Variants in CARD9 observed in about 807,000 individuals in gnomAD.
CARD9 encodes caspase recruitment domain family member 9, also known as caspase recruitment domain-containing protein 9.
Under a neutral mutation model 66.0 loss-of-function variants are expected in CARD9, and 53 were observed. The ratio of observed to expected loss-of-function variants is 0.80; its 90% CI spans 0.64 to 1.01. The LOEUF (loss-of-function observed/expected upper bound fraction) is 1.01. Ranked by LOEUF, CARD9 falls within the 50% of genes least tolerant of loss-of-function variation. The pLI, the probability that CARD9 is intolerant of heterozygous loss-of-function variation, is 0.00. For missense variants in CARD9, 769 were observed against 743.2 expected, an observed-to-expected ratio of 1.03 and a Z score of -0.40; for synonymous variants, 387 against 313.8, an observed-to-expected ratio of 1.23 and a Z score of -2.47.
At chr9:136,366,720 G>A in intron 10 of CARD9, 80 bp downstream of exon 10, 1 of 1,471,338 alleles carries the variant, frequency 6.8e-7, no homozygotes, top group Non-Finnish European at 9.5e-7. Context: ...AGGCATTGCG[G>A]CACGGGCTGC....
intron 10 of CARD9, chr9:136,366,499 A>G (rs767844778): frequency 2.5e-4 from 121 of 492,800 alleles, no homozygotes; most frequent in Non-Finnish European, 4.2e-4. Context: ...GGGGCCCCAC[A>G]CTCTCAGGAC....
Position 136,370,824 on chromosome 9 carries a change from G to A in CARD9, c.627+17C>T, listed in dbSNP as rs190628465. ...CCAGGCGAGGGTGGCCTGGTTTCCC[G>A]GGGGCAGCGGGCGCACCTCCAGCTG... On this transcript the variant is annotated intron_variant, in intron 4 of 12. Coordinates refer to ENST00000371732, the MANE Select transcript of CARD9 (RefSeq NM_052813.5). 8.7e-5 allele frequency: 139 copies of A among 1,592,356 alleles called. No individual in the cohort carries two copies. The highest frequency in any genetic ancestry group is 3.2e-4 in the African/African-American group (24 of 74,456).
Position 136,370,444 on chromosome 9 carries a change from G to C in CARD9, c.808-7C>G. 6.2e-7 allele frequency: 1 copy of C among 1,610,082 alleles called. No individual in the cohort carries two copies. The highest frequency in any genetic ancestry group is 8.5e-7 in the Non-Finnish European group (1 of 1,179,046). ...TCCTGTCCAGCTTCCCCTCCTGAAG[G>C]GGGCAAAAGGCAATGGCCTGGCTGG... On this transcript the variant is annotated splice_polypyrimidine_tract_variant and splice_region_variant and intron_variant, in intron 5 of 12. Coordinates refer to ENST00000371732, the MANE Select transcript of CARD9 (RefSeq NM_052813.5).
In CARD9 at chr9:136,364,463, C is replaced by A; in HGVS notation, c.1511+20G>T. On this transcript the variant is annotated intron_variant, in intron 12 of 12. Transcript: ENST00000371732. The stretch of plus-strand genomic sequence containing the variant: ...CGCTCCCCAGCCCGTTTTGGAGAAG[C>A]CTGGGGGCCGCCCGCCTACCTGCGG... 6.5e-7 allele frequency: 1 copy of A among 1,540,606 alleles called. No individual in the cohort carries two copies. The highest frequency in any genetic ancestry group is 1.2e-5 in the South Asian group (1 of 84,068).
Position 136,371,116 on chromosome 9 carries a change from G to A in CARD9, c.352C>T (p.Leu118=), listed in dbSNP as rs769292662. 41 of 1,612,586 alleles carry A rather than the reference G, an allele frequency of 2.5e-5. No homozygotes were observed. Among genetic ancestry groups the A allele is most frequent in the African/African-American group, 4.0e-5 (3 of 75,050 alleles). ...DASGESGLTQ[L]LMTEVMKLQK... is the part of the protein sequence containing the mutation. ...AGCTTCATGACCTCAGTCATCAGCA[G>A]CTGAGTCAGGCCTGACTCCCCGGAC... Residue 118 remains leucine (L), a synonymous_variant, in exon 4 of 13, where the codon CTG becomes TTG. Coordinates refer to ENST00000371732, the MANE Select transcript of CARD9 (RefSeq NM_052813.5).
rs760135155 is a variant in CARD9, at chr9:136,371,017, C to T, written c.451G>A (p.Asp151Asn). ...TCCTGGTGCTTGCGCAGCAGGCTGT[C>T]CTTCACCCGCAGCTCCTTGATGAAG... The part of the protein sequence containing the change: ...DDFIKELRVK[D>N]SLLRKHQERV... Residue 151 changes from aspartate to asparagine, a missense_variant, in exon 4 of 13, where the codon GAC (aspartate) becomes AAC (asparagine). Asp to Asn is a conservative substitution (Grantham distance 23). Transcript: ENST00000371732. The T allele has an allele frequency of 4.3e-6, 7 of 1,611,848 alleles. No homozygotes were observed. In the Admixed American group the frequency reaches 6.7e-5, roughly 15 times the overall value.
intron 7 of CARD9, among the ~76,000 whole-genome samples, chr9:136,368,542 T>A (rs1833181516): frequency 6.6e-6 from 1 of 152,258 alleles, no homozygotes; most frequent in Non-Finnish European, 1.5e-5. Context: ...GGGTCTCGTT[T>A]TAAGGCTCCT....
Position 136,367,701 on chromosome 9 carries a change from C to A in CARD9, c.1205G>T (p.Cys402Phe). 6.2e-7 allele frequency: 1 copy of A among 1,603,314 alleles called. No homozygotes were observed. Among genetic ancestry groups the A allele is most frequent in the Non-Finnish European group, 8.5e-7 (1 of 1,178,974 alleles). The change falls in exon 8 of 13, where the codon TGT becomes TTT. Residue 402 changes from cysteine (C) to phenylalanine (F), a missense_variant. Cys to Phe is a radical substitution (Grantham distance 205). Transcript: ENST00000371732. Reference sequence around the variant, plus strand: ...CTCCACGGCCAGTAGCTGCGCCTCACACTGGAACACCTGCAGCTGCAGCTC... The same window carrying A: ...CTCCACGGCCAGTAGCTGCGCCTCAAACTGGAACACCTGCAGCTGCAGCTC... ...ADELQLQVFQ[C>F]EAQLLAVEGR...
Position 136,373,582 on chromosome 9 carries a change from G to A in CARD9, c.-67C>T, listed in dbSNP as rs1024434929. The A allele has an allele frequency of 5.1e-6, 5 of 984,720 alleles. No individual in the cohort carries two copies. The African/African-American group carries it at 8.9e-5, about 17-fold the overall frequency. The allele number at this position is 984,720 out of a possible 1,614,324, so 61.0% of individuals were successfully genotyped here. ...CACTGCAGACACACCAGGAGCCTGG[G>A]CCGCGGAGCCTCTGGGAGATGCTGC... On this transcript the variant is annotated 5_prime_UTR_variant, in exon 1 of 13. Transcript: ENST00000371732.
At chr9:136,368,823 A>ATTT (rs765736439) in intron 7 of CARD9, among the ~76,000 whole-genome samples, 6 of 146,460 alleles carry the variant, frequency 4.1e-5, no homozygotes, top group Admixed American at 6.8e-5. Flanking sequence ...CGACCAGTTA[A>ATTT]TTTTTTTTTT....
In CARD9 at chr9:136,371,849, C is replaced by T. The variant is rs368673048; in HGVS notation, c.184+46G>A. On this transcript the variant is annotated intron_variant, in intron 2 of 12. Transcript: ENST00000371732. ...GAGCGTGCAGCCACCTCCGAGCTGA[C>T]TCTGTGGTTGGGTTTGGGGCCTGGG... is the stretch of plus-strand genomic sequence containing the variant. 1.2e-5 allele frequency: 18 copies of T among 1,561,672 alleles called. No homozygotes were observed. The African/African-American group carries it at 2.4e-4, about 21-fold the overall frequency.
At chr9:136,370,086 A>G in intron 6 of CARD9, 2 of 1,382,218 alleles carry the variant, frequency 1.4e-6, no homozygotes, top group Middle Eastern at 2.6e-4. Context: ...GCTGTGCCTC[A>G]GGCACCATGA....
chr9:136,365,390 C>T, intron 10 of CARD9, 173 bp from the exon 11 acceptor site: 1 of 617,838 alleles, frequency 1.6e-6, no homozygotes, highest in Non-Finnish European at 2.9e-6. Context: ...GGCCTTATGG[C>T]CTCGCTTGCC....
In CARD9 at chr9:136,364,242, C is replaced by T; in HGVS notation, c.*60G>A. The T allele has an allele frequency of 6.4e-7, 1 of 1,550,402 alleles. No homozygotes were observed. Among genetic ancestry groups the T allele is most frequent in the Non-Finnish European group, 8.7e-7 (1 of 1,146,642 alleles). ...GTCTGCGCCCCAGGGCGTCGGCACC[C>T]CCGGGTGGCAGGAGGCCGGGCCGGT... On this transcript the variant is annotated 3_prime_UTR_variant, in exon 13 of 13. Coordinates refer to ENST00000371732, the MANE Select transcript of CARD9 (RefSeq NM_052813.5).
At chr9:136,366,291 G>T in intron 10 of CARD9, 1 of 177,844 alleles carries the variant, frequency 5.6e-6, no homozygotes, top group South Asian at 1.1e-4. Flanking sequence ...TACCCCCACT[G>T]CACCGGGACA....
intron 1 of CARD9, 98 bp downstream of exon 1, chr9:136,373,434 G>A (rs1588727864): frequency 1.1e-6 from 1 of 931,016 alleles, no homozygotes; most frequent in Non-Finnish European, 1.3e-6. Context: ...CTGCCTGTGG[G>A]AAGCCTCAGG....
chr9:136,367,841 C>G lies in CARD9; in HGVS notation c.1078-13G>C. 1 of 1,590,338 alleles carries G rather than the reference C, an allele frequency of 6.3e-7. No homozygotes were observed. ...GCGTGGCTATGGCCTGACGGGACAG[C>G]ACAAGGCCGACCCTCAGTGAGGGCC... On this transcript the variant is annotated splice_polypyrimidine_tract_variant and intron_variant, in intron 7 of 12. Coordinates refer to ENST00000371732, the MANE Select transcript of CARD9 (RefSeq NM_052813.5).
chr9:136,370,569 TCTC>T lies in CARD9; in HGVS notation c.757_759del (p.Glu253del), dbSNP rs773509649. ...TGCACCCGGGCCTGGAGCAGGGCCT[TCTC>T]CTGCTGCAGCTCCCACAGCAGCTCC... On this transcript the variant is annotated inframe_deletion, in exon 5 of 13. Transcript: ENST00000371732. 192 of 1,611,032 alleles carry T rather than the reference TCTC, an allele frequency of 1.2e-4. No homozygotes were observed. The highest frequency in any genetic ancestry group is 1.6e-4 in the Non-Finnish European group (189 of 1,179,422).
intron 7 of CARD9, among the ~76,000 whole-genome samples, chr9:136,368,289 C>G (rs562750375): frequency 6.6e-6 from 1 of 152,364 alleles, no homozygotes; most frequent in Admixed American, 6.5e-5. Context: ...CACCTAACCC[C>G]TTCTGCCCAG....
Sources: allele counts gnomAD v4.1 joint callset (sites outside exome capture counted in the v4.1 genomes callset), GRCh38; gene constraint gnomAD v4.1.1; transcripts MANE v1.5; gene names NCBI Gene and HGNC (gene_info 2026-07-23, HGNC 2026-07-21).